RGS13: variants seen among roughly 807,000 people sequenced by gnomAD.
RGS13 encodes the protein regulator of G-protein signalling 13.
In RGS13, 14 loss-of-function variants were observed where a neutral mutation model predicts 19.9. The ratio of observed to expected loss-of-function variants is 0.70; its 90% CI spans 0.46 to 1.10. The LOEUF (loss-of-function observed/expected upper bound fraction) is 1.10, where lower values mean the gene tolerates loss of function less well. RGS13 is among the 50% of genes least tolerant of loss of function. The probability of loss-of-function intolerance (pLI) is 0.00; values close to 1 mark genes in which losing one functional copy is unlikely to be tolerated. For synonymous variants in RGS13, 60 were observed against 56.8 expected, an observed-to-expected ratio of 1.06 and a Z score of -0.25; for missense variants, 205 against 187.1, an observed-to-expected ratio of 1.10 and a Z score of -0.56.
rs1334296203 is a variant in RGS13 at position 192,658,229 on chromosome 1, A to T, written c.156A>T (p.Leu52Phe). 2.7e-5 allele frequency: 44 copies of T among 1,613,170 alleles called. No homozygotes were observed. The highest frequency in any genetic ancestry group is 3.5e-5 in the Non-Finnish European group (41 of 1,179,428). ...KYGPVVYAAYLKMEHSDENIQ... is the reference protein window; with the variant it reads ...KYGPVVYAAYFKMEHSDENIQ... ...GTCCAGTAGTCTATGCAGCATATTT[A>T]AAAATGGAGCACAGTGACGAGAATA... is the stretch of plus-strand genomic sequence containing the variant. The change falls in exon 6 of 7, where the codon TTA becomes TTT. Residue 52 changes from leucine (L) to phenylalanine (F), a missense_variant. By Grantham distance (22) the Leu-to-Phe change is conservative (BLOSUM62 0). Coordinates refer to ENST00000391995, the MANE Select transcript of RGS13 (RefSeq NM_002927.5).
chr1:192,643,939 T>G (rs1374057880), intron 3 of RGS13, among the ~76,000 whole-genome samples: 2 of 152,042 alleles, frequency 1.3e-5, no homozygotes, highest in Non-Finnish European at 2.9e-5. Context: ...GGTGACAGGG[T>G]GAGACCCTGT....
At chr1:192,653,394 C>A (rs1206181696) in intron 5 of RGS13, among the ~76,000 whole-genome samples, 2 of 151,972 alleles carry the variant, frequency 1.3e-5, no homozygotes, top group African/African-American at 2.4e-5. Flanking sequence ...ATAATGAAAT[C>A]CTTCTGAAAG....
At chr1:192,637,470 A>G (rs895127061) in intron 1 of RGS13, 120 bp from the exon 2 acceptor site, 1 of 151,982 alleles carries the variant, frequency 6.6e-6, no homozygotes, top group African/African-American at 2.4e-5. Context: ...TCCGAGGTGG[A>G]AAAAGTATTT....
chr1:192,649,022 T>C (rs1663269542), intron 5 of RGS13, among the ~76,000 whole-genome samples: 1 of 152,088 alleles, frequency 6.6e-6, no homozygotes, highest in Admixed American at 6.6e-5. Context: ...CTGAAACACG[T>C]TAATCAACCA....
chr1:192,636,647 T>C (rs148499829), intron 1 of RGS13, among the ~76,000 whole-genome samples: 236 of 152,162 alleles, frequency 1.6e-3, no homozygotes, highest in African/African-American at 5.4e-3. Context: ...TAAAAACATA[T>C]TATAAAATCA....
At chr1:192,651,666 C>T (rs1204609648) in intron 5 of RGS13, among the ~76,000 whole-genome samples, 2 of 151,978 alleles carry the variant, frequency 1.3e-5, no homozygotes, top group Non-Finnish European at 2.9e-5. Flanking sequence ...CAAAAAGGAA[C>T]AGGGACACTT....
chr1:192,636,304 G>C lies in RGS13; in HGVS notation c.-129G>C, dbSNP rs769941909. 2 of 152,026 alleles carry C rather than the reference G, an allele frequency of 1.3e-5. No homozygotes were observed. The highest frequency in any genetic ancestry group is 2.9e-5 in the Non-Finnish European group (2 of 67,978). 9.4% of individuals were successfully genotyped at this position (152,026 alleles called of 1,614,324 possible). ...TCAAATTTAGCATGGTGGACTGCTC[G>C]ACAGGATATATTTGTAAGTATGAGA... is the stretch of plus-strand genomic sequence containing the variant. On this transcript the variant is annotated 5_prime_UTR_variant, in exon 1 of 7. Coordinates refer to ENST00000391995, the MANE Select transcript of RGS13 (RefSeq NM_002927.5).
At chr1:192,659,201 G>T in intron 6 of RGS13, 137 bp from the exon 7 acceptor site, 1 of 522,718 alleles carries the variant, frequency 1.9e-6, no homozygotes, top group Non-Finnish European at 3.3e-6. Flanking sequence ...TATCTTCTTA[G>T]ATGCCTATAA....
intron 5 of RGS13, among the ~76,000 whole-genome samples, chr1:192,650,991 G>A (rs1163720064): frequency 6.6e-6 from 1 of 152,028 alleles, no homozygotes; most frequent in South Asian, 2.1e-4. Context: ...TTTGCATATA[G>A]ATGCTAACAA....
At chr1:192,649,227 T>A (rs1663273305) in intron 5 of RGS13, among the ~76,000 whole-genome samples, 1 of 152,176 alleles carries the variant, frequency 6.6e-6, no homozygotes, top group Non-Finnish European at 1.5e-5. Context: ...TTTGCCAGCA[T>A]GAATGTGAAT....
chr1:192,648,211 C>T (rs920784072), intron 5 of RGS13, among the ~76,000 whole-genome samples: 1 of 152,156 alleles, frequency 6.6e-6, no homozygotes. Flanking sequence ...ATATTCTTCA[C>T]AAGTATATGC....
intron 1 of RGS13, among the ~76,000 whole-genome samples, chr1:192,636,555 C>A (rs1383877033): frequency 6.6e-6 from 1 of 151,912 alleles, no homozygotes; most frequent in Non-Finnish European, 1.5e-5. Context: ...AGAGGAAATG[C>A]TACAGTTTTA....
chr1:192,637,933 A>G (rs1345577291), intron 2 of RGS13, among the ~76,000 whole-genome samples: 1 of 152,118 alleles, frequency 6.6e-6, no homozygotes, highest in Non-Finnish European at 1.5e-5. Context: ...AAAAATTAGA[A>G]CATTCCCTTT....
intron 3 of RGS13, among the ~76,000 whole-genome samples, chr1:192,642,651 G>C (rs1463066841): frequency 6.6e-6 from 1 of 151,866 alleles, no homozygotes; most frequent in Non-Finnish European, 1.5e-5. Flanking sequence ...TTCCTCAATG[G>C]GACATAACTC....
intron 3 of RGS13, among the ~76,000 whole-genome samples, chr1:192,641,298 G>GAAAGAAAGAAAGAAAGAAAGA (rs1663115866): frequency 9.1e-6 from 1 of 109,856 alleles, no homozygotes; most frequent in African/African-American, 2.8e-5. Context: ...AAGAAAGAAA[G>GAAAGAAAGAAAGAAAGAAAGA]AAAGAAAGAA....
chr1:192,650,611 C>T (rs947001487), intron 5 of RGS13, among the ~76,000 whole-genome samples: 12 of 151,810 alleles, frequency 7.9e-5, no homozygotes, highest in Middle Eastern at 3.2e-3. Context: ...GGTTTAGAGA[C>T]GTTTTAGGGA....
At position 192,659,446 on chromosome 1, in the gene RGS13, G is replaced by A. The variant is rs757850642; in HGVS notation, c.403G>A (p.Asp135Asn). The A allele has an allele frequency of 4.4e-5, 71 of 1,612,778 alleles. No homozygotes were observed. The highest frequency in any genetic ancestry group is 5.9e-5 in the Non-Finnish European group (70 of 1,179,370). The change falls in exon 7 of 7, where the codon GAT becomes AAT. Residue 135 changes from aspartate to asparagine, a missense_variant. Transcript: ENST00000391995. Reference protein sequence around the residue: ...QKIVYMHMERDSYPRFLKSEM... With the variant: ...QKIVYMHMERNSYPRFLKSEM... Reference sequence around the variant, plus strand: ...AATAGTCTATATGCATATGGAAAGGGATTCCTACCCCAGATTTCTAAAGTC... The same window carrying A: ...AATAGTCTATATGCATATGGAAAGGAATTCCTACCCCAGATTTCTAAAGTC...
chr1:192,648,895 A>G (rs566719857), intron 5 of RGS13, among the ~76,000 whole-genome samples: 28 of 152,196 alleles, frequency 1.8e-4, no homozygotes, highest in African/African-American at 5.3e-4. Context: ...GGGGGTTGTC[A>G]TAGTCCTGAG....
intron 5 of RGS13, among the ~76,000 whole-genome samples, chr1:192,657,579 T>C (rs1219692487): frequency 6.6e-6 from 1 of 152,140 alleles, no homozygotes; most frequent in Non-Finnish European, 1.5e-5. Context: ...GATTCTGAGA[T>C]AGTTTCCAGC....
Sources: gnomAD v4.1 joint callset for allele counts (sites outside exome capture counted in the v4.1 genomes callset) on GRCh38, gnomAD v4.1.1 for gene constraint, MANE v1.5 for transcripts, NCBI Gene and HGNC (gene_info 2026-07-23, HGNC 2026-07-21) for gene names.